Variants in PCDHGA11 observed in about 807,000 individuals in gnomAD.
PCDHGA11 encodes protocadherin gamma-A11.
Under a neutral mutation model 60.4 loss-of-function variants are expected in PCDHGA11, and 39 were observed. That is an observed-to-expected ratio of 0.65 (90% CI 0.50 to 0.84). The LOEUF (loss-of-function observed/expected upper bound fraction) is 0.84. Ranked by LOEUF, PCDHGA11 falls within the 40% of genes least tolerant of loss-of-function variation. PCDHGA11 has a pLI of 0.00. For synonymous variants in PCDHGA11, 533 were observed against 510.3 expected (o/e 1.04, Z -0.60); for missense variants, 1,165 against 1,197.7 (o/e 0.97, Z 0.40).
chr5:141,501,381 T>A (rs1261533671), intron 2 of PCDHGA11, among the ~76,000 whole-genome samples: 4 of 151,750 alleles, frequency 2.6e-5, no homozygotes, highest in African/African-American at 9.7e-5. Flanking sequence ...TCTTAAATCC[T>A]AGGTCCTGTC....
intron 2 of PCDHGA11, among the ~76,000 whole-genome samples, chr5:141,498,994 AAGGAAGGAAGG>A (rs2099788184): frequency 2.0e-5 from 3 of 148,560 alleles, no homozygotes; most frequent in Non-Finnish European, 4.5e-5. Flanking sequence ...GGAAGGAAGG[AAGGAAGGAAGG>A]AAGGAAGGAA....
In PCDHGA11 at chr5:141,486,334, C is replaced by T; in HGVS notation, c.2434-8473C>T. 1.2e-6 allele frequency: 2 copies of T among 1,614,098 alleles called. No individual in the cohort carries two copies. ...CAGGGTCAAACGGAGATGTGAGCCT[C>T]CGCATTCCTGACCACTTGCCATTTG... On this transcript the variant is annotated intron_variant, in intron 1 of 3. Coordinates refer to ENST00000398587, the MANE Select transcript of PCDHGA11 (RefSeq NM_018914.3). This position sits in a 1 kb window ranked among gnomAD's most constrained non-coding sequence, Gnocchi z 5.0.
At chr5:141,470,682 T>C (rs2099236741) in intron 1 of PCDHGA11, among the ~76,000 whole-genome samples, 1 of 152,138 alleles carries the variant, frequency 6.6e-6, no homozygotes, top group Non-Finnish European at 1.5e-5. Flanking sequence ...TGTTACCATC[T>C]TGAAATTCTT....
Position 141,490,293 on chromosome 5 carries a change from A to G in PCDHGA11, c.2434-4514A>G, listed in dbSNP as rs1316965652. On this transcript the variant is annotated intron_variant, in intron 1 of 3. Transcript: ENST00000398587. The surrounding 1 kb of genome is among the most constrained non-coding windows in gnomAD (Gnocchi z 5.4). ...TCAATGACAATGCCCCAGAGGTGCTATTGGCCTCTTTGGCCAACCCTGTCC... is the reference window on the plus strand; with the variant it reads ...TCAATGACAATGCCCCAGAGGTGCTGTTGGCCTCTTTGGCCAACCCTGTCC... The G allele has an allele frequency of 1.2e-6, 2 of 1,614,190 alleles. No individual in the cohort carries two copies. The highest frequency in any genetic ancestry group is 8.5e-7 in the Non-Finnish European group (1 of 1,180,028).
Position 141,491,717 on chromosome 5 carries a change from C to A in PCDHGA11, c.2434-3090C>A. ...CGGAGCCAGGTGAGGGGCTCGGCGC[C>A]GCCCCGGGCGACCCCTGGGGGCGGC... On this transcript the variant is annotated intron_variant, in intron 1 of 3. Coordinates refer to ENST00000398587, the MANE Select transcript of PCDHGA11 (RefSeq NM_018914.3). The surrounding 1 kb of genome is among the most constrained non-coding windows in gnomAD (Gnocchi z 6.9). 1 of 1,607,940 alleles carries A rather than the reference C, an allele frequency of 6.2e-7. No individual in the cohort carries two copies. Among genetic ancestry groups the A allele is most frequent in the Middle Eastern group, 1.7e-4 (1 of 6,010 alleles).
Position 141,477,443 on chromosome 5 carries a change from G to C in PCDHGA11, c.2434-17364G>C. The C allele has an allele frequency of 6.2e-7, 1 of 1,614,136 alleles. No individual in the cohort carries two copies. Among genetic ancestry groups the C allele is most frequent in the Non-Finnish European group, 8.5e-7 (1 of 1,180,024 alleles). ...CCCTTCCCTCTCAGCCCTTACAATA[G>C]TGCGTGTTCAAGTGTCCGACATCAA... On this transcript the variant is annotated intron_variant, in intron 1 of 3. Coordinates refer to ENST00000398587, the MANE Select transcript of PCDHGA11 (RefSeq NM_018914.3). This position sits in a 1 kb window ranked among gnomAD's most constrained non-coding sequence, Gnocchi z 4.9.
chr5:141,479,752 T>C (rs770200359), intron 1 of PCDHGA11: 4 of 152,236 alleles, frequency 2.6e-5, no homozygotes, highest in Non-Finnish European at 4.4e-5. Context: ...ATGTGAAAGG[T>C]AGATAAATTC....
rs573088236 is a variant in PCDHGA11, at chr5:141,489,279, G to A, written c.2434-5528G>A. On this transcript the variant is annotated intron_variant, in intron 1 of 3. Coordinates refer to ENST00000398587, the MANE Select transcript of PCDHGA11 (RefSeq NM_018914.3). This position sits in a 1 kb window ranked among gnomAD's most constrained non-coding sequence, Gnocchi z 4.5. Reference sequence around the variant, plus strand: ...CACTCCCACAGCTCGCTGGGAAATGGCAAGTGCTGTGCATGTTGTCCTTGT... The same window carrying A: ...CACTCCCACAGCTCGCTGGGAAATGACAAGTGCTGTGCATGTTGTCCTTGT... The A allele has an allele frequency of 6.4e-7, 1 of 1,562,030 alleles. No individual in the cohort carries two copies. Among genetic ancestry groups the A allele is most frequent in the East Asian group, 2.2e-5 (1 of 44,522 alleles).
Position 141,421,359 on chromosome 5 carries a change from C to A in PCDHGA11, c.132C>A (p.Ser44=), listed in dbSNP as rs2096566292. The change falls in exon 1 of 4, where the codon TCC becomes TCA. Residue 44 remains serine (S), a synonymous_variant. Transcript: ENST00000398587. ...TGCCAGAAGAGACCGAAAAGGGCTC[C>A]TTCGTGGGCAATATCTCCAAGGACC... ...YSVPEETEKG[S]FVGNISKDLG... 3.7e-6 allele frequency: 6 copies of A among 1,614,012 alleles called. No individual in the cohort carries two copies. Among genetic ancestry groups the A allele is most frequent in the Non-Finnish European group, 5.1e-6 (6 of 1,179,908 alleles).
At position 141,511,462 on chromosome 5, in the gene PCDHGA11, C is replaced by A. The variant is rs1385398410; in HGVS notation, c.*289C>A. ...AGACACCAAGAACCATTTGCCACAC[C>A]CCGTTTAGTTACAGCTGAACTCCTC... On this transcript the variant is annotated 3_prime_UTR_variant, in exon 4 of 4. Coordinates refer to ENST00000398587, the MANE Select transcript of PCDHGA11 (RefSeq NM_018914.3). The A allele has an allele frequency of 4.7e-5, 26 of 556,350 alleles. No individual in the cohort carries two copies. Among genetic ancestry groups the A allele is most frequent in the Non-Finnish European group, 9.1e-6 (3 of 329,202 alleles). 34.5% of individuals were successfully genotyped at this position (556,350 alleles called of 1,614,324 possible). A position where few individuals can be genotyped will look rare whatever the true frequency, so the allele number is the denominator to read the frequency against.
At position 141,421,226 on chromosome 5, in the gene PCDHGA11, C is replaced by A. The variant is rs368125665; in HGVS notation, c.-2C>A. The A allele has an allele frequency of 3.7e-5, 58 of 1,584,718 alleles. No homozygotes were observed. Among genetic ancestry groups the A allele is most frequent in the Non-Finnish European group, 4.6e-5 (54 of 1,167,696 alleles). ...CCGCGGAATATCGGCTTAGAGCCTG[C>A]CATGGCGAATCGGCTACAGCGCGGG... On this transcript the variant is annotated 5_prime_UTR_variant, in exon 1 of 4. Coordinates refer to ENST00000398587, the MANE Select transcript of PCDHGA11 (RefSeq NM_018914.3).
chr5:141,490,229 T>C lies in PCDHGA11; in HGVS notation c.2434-4578T>C. The C allele has an allele frequency of 6.2e-7, 1 of 1,614,198 alleles. No individual in the cohort carries two copies. Among genetic ancestry groups the C allele is most frequent in the Non-Finnish European group, 8.5e-7 (1 of 1,180,034 alleles). On this transcript the variant is annotated intron_variant, in intron 1 of 3. Coordinates refer to ENST00000398587, the MANE Select transcript of PCDHGA11 (RefSeq NM_018914.3). The surrounding 1 kb of genome is among the most constrained non-coding windows in gnomAD (Gnocchi z 5.4). ...GCCCGTGACCAGGGACAGCCTGCCA[T>C]GGAGGGCCACTGTGTGATTCAAGTG... is the stretch of plus-strand genomic sequence containing the variant.
In PCDHGA11 at chr5:141,461,484, T is replaced by C. The variant is rs1171584384; in HGVS notation, c.2434-33323T>C. On this transcript the variant is annotated intron_variant, in intron 1 of 3. Transcript: ENST00000398587. ...GTCCTTTGCCTACTTTTTAATGGGATTGTGTTTTATTTTTCTTGGTGATTT... is the reference window on the plus strand; with the variant it reads ...GTCCTTTGCCTACTTTTTAATGGGACTGTGTTTTATTTTTCTTGGTGATTT... 2.6e-5 allele frequency among the ~76,000 whole-genome samples: 4 copies of C among 152,152 alleles called. No homozygotes were observed. In the East Asian group the frequency reaches 7.7e-4, roughly 29 times the overall value.
In PCDHGA11 at chr5:141,432,997, G is replaced by T. The variant is rs778828769; in HGVS notation, c.2433+9337G>T. 17 of 1,614,082 alleles carry T rather than the reference G, an allele frequency of 1.1e-5. No homozygotes were observed. The highest frequency in any genetic ancestry group is 4.5e-5 in the East Asian group (2 of 44,864). ...CGCACTTTGTGGGCGTGGACGGGGT[G>T]CAGGCTTTCCTGCAGACCTATTCCC... On this transcript the variant is annotated intron_variant, in intron 1 of 3. Transcript: ENST00000398587. The surrounding 1 kb of genome is among the most constrained non-coding windows in gnomAD (Gnocchi z 6.0).
In PCDHGA11 at chr5:141,487,087, C is replaced by G. The variant is rs752261507; in HGVS notation, c.2434-7720C>G. 1.2e-6 allele frequency: 2 copies of G among 1,613,890 alleles called. No homozygotes were observed. Among genetic ancestry groups the G allele is most frequent in the Non-Finnish European group, 1.7e-6 (2 of 1,179,804 alleles). ...CGGCTGTTCCTATCCCAGCTGACCT[C>G]CCACCACAGAAGCTGGTCATTGTGG... On this transcript the variant is annotated intron_variant, in intron 1 of 3. Transcript: ENST00000398587. The surrounding 1 kb of genome is among the most constrained non-coding windows in gnomAD (Gnocchi z 5.0).
intron 1 of PCDHGA11, among the ~76,000 whole-genome samples, chr5:141,425,059 G>A (rs1056925377): frequency 3.3e-5 from 5 of 152,110 alleles, no homozygotes; most frequent in Non-Finnish European, 7.4e-5. Flanking sequence ...CTAGGGCTCG[G>A]ACAAAAATAA....
chr5:141,506,896 T>C (rs1417106112), intron 3 of PCDHGA11, among the ~76,000 whole-genome samples: 3 of 152,158 alleles, frequency 2.0e-5, no homozygotes, highest in African/African-American at 7.2e-5. Flanking sequence ...CAAGAAGCAC[T>C]GTCATCACAC....
Position 141,432,492 on chromosome 5 carries a change from C to G in PCDHGA11, c.2433+8832C>G. The G allele has an allele frequency of 6.2e-7, 1 of 1,614,168 alleles. No individual in the cohort carries two copies. The highest frequency in any genetic ancestry group is 8.5e-7 in the Non-Finnish European group (1 of 1,180,040). On this transcript the variant is annotated intron_variant, in intron 1 of 3. Transcript: ENST00000398587. This position sits in a 1 kb window ranked among gnomAD's most constrained non-coding sequence, Gnocchi z 6.0. Reference sequence around the variant, plus strand: ...GACGGTTCCACTGGCGTGGAGCTGGCTCCCCGCTCCGCAGAGCCCGGCTAC... The same window carrying G: ...GACGGTTCCACTGGCGTGGAGCTGGGTCCCCGCTCCGCAGAGCCCGGCTAC...
chr5:141,452,364 A>G (rs1330623001), intron 1 of PCDHGA11, among the ~76,000 whole-genome samples: 1 of 152,188 alleles, frequency 6.6e-6, no homozygotes, highest in African/African-American at 2.4e-5. Flanking sequence ...GCCTTGCTTC[A>G]TTTTAGTAGG....
Sources: gnomAD v4.1 joint callset for allele counts (sites outside exome capture counted in the v4.1 genomes callset) on GRCh38, gnomAD v4.1.1 for gene constraint, Gnocchi (gnomAD v3.1) non-coding constraint, MANE v1.5 for transcripts, NCBI Gene and HGNC (gene_info 2026-07-23, HGNC 2026-07-21) for gene names.